The following CDKL2 variants were observed in gnomAD, a reference collection of about 807,000 sequenced individuals.
CDKL2 encodes the protein cyclin dependent kinase like 2.
In CDKL2, 64 loss-of-function variants were observed where a neutral mutation model predicts 63.9. The ratio of observed to expected loss-of-function variants is 1.00; its 90% confidence interval spans 0.82 to 1.23. CDKL2 has a LOEUF of 1.23. Among genes scored for constraint, CDKL2 ranks in the 50% most tolerant of loss-of-function variants. The probability of loss-of-function intolerance (pLI) is 0.00; values close to 1 mark genes in which losing one functional copy is unlikely to be tolerated. For synonymous variants in CDKL2, 211 were observed against 229.2 expected, an observed-to-expected ratio of 0.92 and a Z score of 0.72; for missense variants, 656 against 668.0, an observed-to-expected ratio of 0.98 and a Z score of 0.20.
chr4:75,613,410 T>C (rs752244005), intron 3 of CDKL2, among the ~76,000 whole-genome samples: 1 of 152,216 alleles, frequency 6.6e-6, no homozygotes, highest in African/African-American at 2.4e-5. Context: ...CTTTCTTTTA[T>C]AATTATCTTT....
chr4:75,585,833 G>T (rs1176204472), intron 12 of CDKL2, among the ~76,000 whole-genome samples: 1 of 151,938 alleles, frequency 6.6e-6, no homozygotes, highest in Non-Finnish European at 1.5e-5. Context: ...CATAATAAAA[G>T]ATTTTAACAG....
rs1356868352 is a variant in CDKL2, at chr4:75,598,183, T to C, written c.914A>G (p.Gln305Arg). 2.4e-5 allele frequency: 36 copies of C among 1,514,428 alleles called. No individual in the cohort carries two copies. Among genetic ancestry groups the C allele is most frequent in the Non-Finnish European group, 3.2e-5 (35 of 1,108,592 alleles). 93.8% of individuals were successfully genotyped at this position (1,514,428 alleles called of 1,614,324 possible). ...TAAAGAAACATTTCTGGCATCTTTC[T>C]GTACTTTTAACTGTAGTTCTTGGGA... The part of the protein sequence containing the change: ...RFSQELQLKV[Q>R]KDARNVSLSK... Residue 305 changes from glutamine (Q) to arginine (R), a missense_variant, in exon 8 of 14, where the codon CAG becomes CGG. Physicochemically the swap from Gln to Arg is conservative, Grantham distance 43. Coordinates refer to ENST00000307465, the MANE Select transcript of CDKL2 (RefSeq NM_001330724.2).
At chr4:75,612,730 A>T (rs1446560098) in intron 3 of CDKL2, among the ~76,000 whole-genome samples, 3 of 152,258 alleles carry the variant, frequency 2.0e-5, no homozygotes, top group Non-Finnish European at 4.4e-5. Context: ...CGTAACAATT[A>T]TCTCTCTTTG....
At chr4:75,603,712 C>CA (rs35686740) in intron 6 of CDKL2, 105 bp downstream of exon 6, 76,658 of 349,128 alleles carry the variant, frequency 0.22, 5,060 homozygotes, top group East Asian at 0.44. Flanking sequence ...AAGACTCCAT[C>CA]AAAAAAAAAA....
chr4:75,597,880 C>G (rs946172197), intron 8 of CDKL2, among the ~76,000 whole-genome samples, 197 bp downstream of exon 8: 1 of 152,132 alleles, frequency 6.6e-6, no homozygotes, highest in African/African-American at 2.4e-5. Flanking sequence ...CAGTCTGGCA[C>G]ATAACAGGTA....
At position 75,596,887 on chromosome 4, in the gene CDKL2, C is replaced by T. The variant is rs560591313; in HGVS notation, c.1322+48G>A. On this transcript the variant is annotated intron_variant, in intron 9 of 13. Coordinates refer to ENST00000307465, the MANE Select transcript of CDKL2 (RefSeq NM_001330724.2). ...TGAATTGACAAACCCTTGCAATTTG[C>T]AAATATGTCCTTAAACACTTTTTTG... The T allele has an allele frequency of 8.2e-5, 123 of 1,494,184 alleles. 1 individual carries two copies. In the South Asian group the frequency reaches 1.4e-3, roughly 16 times the overall value. 92.6% of individuals were successfully genotyped at this position (1,494,184 alleles called of 1,614,324 possible).
At chr4:75,584,427 A>G (rs548309231) in intron 12 of CDKL2, among the ~76,000 whole-genome samples, 2 of 152,272 alleles carry the variant, frequency 1.3e-5, no homozygotes, top group African/African-American at 4.8e-5. Flanking sequence ...GAACCTGGAA[A>G]TGGTTTCTCC....
At chr4:75,598,293 T>C (rs190230676) in intron 7 of CDKL2, 81 bp from the exon 8 acceptor site, 3 of 828,272 alleles carry the variant, frequency 3.6e-6, no homozygotes, top group Non-Finnish European at 5.3e-6. Flanking sequence ...ATTTATTTTT[T>C]AAAAATTGAA....
chr4:75,586,729 T>C (rs1398008404), intron 12 of CDKL2, among the ~76,000 whole-genome samples: 4 of 152,278 alleles, frequency 2.6e-5, no homozygotes, highest in African/African-American at 7.2e-5. Flanking sequence ...CTCTGTGATG[T>C]TGGATTAGAA....
intron 3 of CDKL2, among the ~76,000 whole-genome samples, chr4:75,609,545 G>A (rs962783435): frequency 1.3e-5 from 2 of 151,140 alleles, no homozygotes; most frequent in African/African-American, 2.4e-5. Context: ...GGGGAAGGTT[G>A]CAGTGAGCCG....
chr4:75,603,709 C>T (rs1729299430), intron 6 of CDKL2, 108 bp downstream of exon 6: 1 of 684,774 alleles, frequency 1.5e-6, no homozygotes, highest in African/African-American at 2.6e-5. Flanking sequence ...AGCAAGACTC[C>T]ATCAAAAAAA....
rs747587721 is a variant in CDKL2, at chr4:75,629,938, C to CAAAAAAAAA, written c.-30+95_-30+103dup. On this transcript the variant is annotated intron_variant, in intron 1 of 13. Coordinates refer to ENST00000307465, the MANE Select transcript of CDKL2 (RefSeq NM_001330724.2). Reference sequence around the variant, plus strand: ...GGGCAACAAGAGTGAAACTCCGTCTCAAAAAAAAAAAAAAAAAAAAAAAAA... The same window carrying CAAAAAAAAA: ...GGGCAACAAGAGTGAAACTCCGTCTCAAAAAAAAAAAAAAAAAAAAAAAAAAAAAAAAAA... The CAAAAAAAAA allele has an allele frequency of 2.8e-4, 21 of 74,198 alleles. 1 individual carries two copies. The highest frequency in any genetic ancestry group is 9.2e-4 in the East Asian group (1 of 1,086). 4.6% of individuals were successfully genotyped at this position (74,198 alleles called of 1,614,324 possible). A position where few individuals can be genotyped will look rare whatever the true frequency, so the allele number is the denominator to read the frequency against.
At chr4:75,607,433 C>T (rs950950880) in intron 3 of CDKL2, 72 bp from the exon 4 acceptor site, 16 of 1,169,334 alleles carry the variant, frequency 1.4e-5, no homozygotes, top group Non-Finnish European at 1.8e-5. Flanking sequence ...ATGTGCAGGG[C>T]ATTGTATGTT....
chr4:75,600,608 C>T (rs1024983593), intron 6 of CDKL2, among the ~76,000 whole-genome samples: 1 of 152,010 alleles, frequency 6.6e-6, no homozygotes, highest in Non-Finnish European at 1.5e-5. Flanking sequence ...CACAGGTGCA[C>T]ACCACCACAC....
At chr4:75,621,234 G>C (rs1484990758) in intron 2 of CDKL2, among the ~76,000 whole-genome samples, 1 of 145,132 alleles carries the variant, frequency 6.9e-6, no homozygotes, top group African/African-American at 2.6e-5. Flanking sequence ...ACCATGCCCA[G>C]CATTTTTTTA....
chr4:75,617,228 GC>G lies in CDKL2; in HGVS notation c.169-2780del, dbSNP rs1349392987. 2.0e-5 allele frequency among the ~76,000 whole-genome samples: 3 copies of G among 151,914 alleles called. No individual in the cohort carries two copies. In the South Asian group the frequency reaches 6.2e-4, roughly 32 times the overall value. ...AAAAAAAAACACAAACTTCTACCCTGCCTTCCCTTAAAACAGACATTTTACA... is the reference window on the plus strand; with the variant it reads ...AAAAAAAAACACAAACTTCTACCCTGCTTCCCTTAAAACAGACATTTTACA... On this transcript the variant is annotated intron_variant, in intron 2 of 13. Transcript: ENST00000307465.
intron 3 of CDKL2, among the ~76,000 whole-genome samples, chr4:75,608,630 T>C (rs922661402): frequency 6.6e-6 from 1 of 152,034 alleles, no homozygotes; most frequent in Non-Finnish European, 1.5e-5. Context: ...TATGAGGTGA[T>C]AAAGGCCTAA....
chr4:75,607,523 G>A (rs1211791351), intron 3 of CDKL2, among the ~76,000 whole-genome samples, 162 bp from the exon 4 acceptor site: 1 of 152,088 alleles, frequency 6.6e-6, no homozygotes, highest in Non-Finnish European at 1.5e-5. Context: ...GGGCAAGAAA[G>A]AACATCTATA....
At chr4:75,599,434 G>A (rs1729081128) in intron 7 of CDKL2, among the ~76,000 whole-genome samples, 1 of 150,586 alleles carries the variant, frequency 6.6e-6, no homozygotes, top group Non-Finnish European at 1.5e-5. Context: ...GGTGGCACAT[G>A]CCTGTAATCC....
Sources: gnomAD v4.1 joint callset for allele counts (sites outside exome capture counted in the v4.1 genomes callset) on GRCh38, gnomAD v4.1.1 for gene constraint, MANE v1.5 for transcripts, NCBI Gene and HGNC (gene_info 2026-07-23, HGNC 2026-07-21) for gene names.